Variants in AMZ1 observed in about 807,000 individuals in gnomAD.
AMZ1 encodes the protein archaemetzincin-1.
A neutral mutation model predicts 29.9 loss-of-function variants in AMZ1; 39 were observed. The observed-to-expected ratio is 1.30, with a 90% confidence interval of 1.01 to 1.70. The LOEUF is 1.70. Among genes scored for constraint, AMZ1 ranks in the 40% most tolerant of loss-of-function variants. The pLI is 0.00. For synonymous variants in AMZ1, 458 were observed against 304.0 expected (o/e 1.51, Z -5.27); for missense variants, 1,041 against 680.6 (o/e 1.53, Z -5.89).
Position 2,700,560 on chromosome 7 carries a change from T to TC in AMZ1, c.113dup (p.Ala39CysfsTer113). The TC allele has an allele frequency of 6.2e-7, 1 of 1,609,542 alleles. No homozygotes were observed. Among genetic ancestry groups the TC allele is most frequent in the Admixed American group, 1.7e-5 (1 of 59,998 alleles). On this transcript the variant is annotated frameshift_variant, in exon 2 of 7. Coordinates refer to ENST00000683327, the MANE Select transcript of AMZ1 (RefSeq NM_001384743.1). LOFTEE classifies it high-confidence loss of function. The stretch of plus-strand genomic sequence containing the variant: ...GCAGCAGCTGTATGTGTCCGCCTTC[T>TC]CCCCTGCCGAGCGGCTCTTCCTGGC...
At chr7:2,748,380 G>A (rs1475173532) in intron 4 of AMZ1, among the ~76,000 whole-genome samples, 1 of 152,160 alleles carries the variant, frequency 6.6e-6, no homozygotes, top group Non-Finnish European at 1.5e-5. Flanking sequence ...TCTGATCTTT[G>A]ACAAACCTGA....
chr7:2,730,985 T>G (rs1012726968), intron 4 of AMZ1: 5 of 534,260 alleles, frequency 9.4e-6, no homozygotes, highest in African/African-American at 7.5e-5. Context: ...CAGGATTCAG[T>G]AGCTAACGTG....
In AMZ1 at chr7:2,696,845, T is replaced by C. The variant is rs532240361; in HGVS notation, c.-218-3389T>C. ...AGGTTGCAGTGAGCAAAGATCGTGC[T>C]ACTGCACTCCAGCCTGGGGTAGAGG... On this transcript the variant is annotated intron_variant, in intron 1 of 6. Coordinates refer to ENST00000683327, the MANE Select transcript of AMZ1 (RefSeq NM_001384743.1). 1.3e-4 allele frequency among the ~76,000 whole-genome samples: 20 copies of C among 152,198 alleles called. No individual in the cohort carries two copies. In the East Asian group the frequency reaches 3.9e-3, roughly 30 times the overall value.
rs1788921253 is a variant in AMZ1, at chr7:2,713,329, G to A, written c.*451G>A. On this transcript the variant is annotated 3_prime_UTR_variant, in exon 7 of 7. Coordinates refer to ENST00000683327, the MANE Select transcript of AMZ1 (RefSeq NM_001384743.1). The stretch of plus-strand genomic sequence containing the variant: ...CTGAGTCCCAGCCAGCCGCTCCCAG[G>A]GGCCTGCACACATGGAGAGGCCTCC... 6.5e-6 allele frequency: 1 copy of A among 153,034 alleles called. No homozygotes were observed. Among genetic ancestry groups the A allele is most frequent in the Non-Finnish European group, 1.5e-5 (1 of 68,612 alleles). The allele number at this position is 153,034 out of a possible 1,614,324, so 9.5% of individuals were successfully genotyped here.
At chr7:2,695,383 G>T (rs1290535225) in intron 1 of AMZ1, among the ~76,000 whole-genome samples, 1 of 152,104 alleles carries the variant, frequency 6.6e-6, no homozygotes, top group African/African-American at 2.4e-5. Flanking sequence ...GCAAGGTGGG[G>T]CCCTGCTTCC....
rs746068489 is a variant in AMZ1, at chr7:2,709,742, C to A, written c.874C>A (p.Pro292Thr). The change falls in exon 6 of 7, where the codon CCC (proline) becomes ACC (threonine). Residue 292 changes from proline (P) to threonine (T), a missense_variant. Coordinates refer to ENST00000683327, the MANE Select transcript of AMZ1 (RefSeq NM_001384743.1). ...ALSLDEALRR[P>T]LDLCPICLRK... Reference sequence around the variant, plus strand: ...CAGCCTGGACGAGGCCCTGCGGCGGCCCCTGGACCTCTGTCCCATCTGCCT... The same window carrying A: ...CAGCCTGGACGAGGCCCTGCGGCGGACCCTGGACCTCTGTCCCATCTGCCT... The A allele has an allele frequency of 2.5e-6, 4 of 1,611,360 alleles. No homozygotes were observed. The Admixed American group carries it at 6.7e-5, about 27-fold the overall frequency.
At chr7:2,690,026 C>T (rs748145206) in intron 1 of AMZ1, among the ~76,000 whole-genome samples, 6 of 152,112 alleles carry the variant, frequency 3.9e-5, no homozygotes, top group Non-Finnish European at 7.3e-5. Flanking sequence ...CCCACGAAGA[C>T]GAATGTGGCC....
chr7:2,695,438 C>T (rs1787653616), intron 1 of AMZ1, among the ~76,000 whole-genome samples: 1 of 152,082 alleles, frequency 6.6e-6, no homozygotes, highest in Non-Finnish European at 1.5e-5. Context: ...CATGTTCAGG[C>T]CCATGTGGTG....
chr7:2,709,369 G>A, intron 5 of AMZ1, 125 bp downstream of exon 5: 2 of 1,146,054 alleles, frequency 1.7e-6, no homozygotes, highest in Non-Finnish European at 2.4e-6. Context: ...TCTATGGAAT[G>A]AGGAAAGCAA....
At chr7:2,695,514 C>T (rs916799624) in intron 1 of AMZ1, among the ~76,000 whole-genome samples, 1 of 151,432 alleles carries the variant, frequency 6.6e-6, no homozygotes, top group Non-Finnish European at 1.5e-5. Flanking sequence ...CCTCGGAGTT[C>T]AAGACCAGCC....
intron 1 of AMZ1, among the ~76,000 whole-genome samples, chr7:2,691,049 G>A (rs976489568): frequency 7.6e-5 from 11 of 144,808 alleles, no homozygotes; most frequent in African/African-American, 2.9e-4. Flanking sequence ...GCTGAGGCAT[G>A]AGAATCGCTT....
At chr7:2,708,443 C>G in intron 3 of AMZ1, 145 bp from the exon 4 acceptor site, 1 of 1,258,664 alleles carries the variant, frequency 7.9e-7, no homozygotes, top group South Asian at 1.5e-5. Flanking sequence ...GCCCTCAGGT[C>G]ACACCAAACG....
upstream of AMZ1, among the ~76,000 whole-genome samples, chr7:2,760,006 G>A (rs1791482058): frequency 6.6e-6 from 1 of 152,186 alleles, no homozygotes; most frequent in Non-Finnish European, 1.5e-5. Context: ...AAAAATGACA[G>A]GAACACTCAG....
At chr7:2,721,993 G>C (rs902552319), downstream of AMZ1, among the ~76,000 whole-genome samples, 1 of 152,214 alleles carries the variant, frequency 6.6e-6, no homozygotes, top group African/African-American at 2.4e-5. Context: ...GGTGGTGCTG[G>C]CGCTGTAGCG....
chr7:2,688,728 C>T (rs1055656968), intron 1 of AMZ1, among the ~76,000 whole-genome samples: 1 of 152,178 alleles, frequency 6.6e-6, no homozygotes, highest in African/African-American at 2.4e-5. Context: ...CTCCAGGGCG[C>T]CGAGAATCTC....
Position 2,700,586 on chromosome 7 carries a change from C to G in AMZ1, c.135C>G (p.Ala45=), listed in dbSNP as rs770644151. The change falls in exon 2 of 7, where the codon GCC becomes GCG. Residue 45 remains alanine (A), a synonymous_variant. Coordinates refer to ENST00000683327, the MANE Select transcript of AMZ1 (RefSeq NM_001384743.1). ...AFSPAERLFL[A]EAYNPQRTLF... ...CCCCTGCCGAGCGGCTCTTCCTGGC[C>G]GAGGCCTACAACCCGCAGAGGACGC... is the stretch of plus-strand genomic sequence containing the variant. 6 of 1,610,422 alleles carry G rather than the reference C, an allele frequency of 3.7e-6. No homozygotes were observed. Among genetic ancestry groups the G allele is most frequent in the Non-Finnish European group, 3.4e-6 (4 of 1,179,968 alleles).
chr7:2,692,292 A>G (rs566940367), intron 1 of AMZ1, among the ~76,000 whole-genome samples: 6 of 151,878 alleles, frequency 4.0e-5, no homozygotes, highest in Admixed American at 1.3e-4. Flanking sequence ...TGTAATCCCA[A>G]CACTCTGGGA....
At chr7:2,702,598 C>G (rs186729062) in intron 2 of AMZ1, 124 bp from the exon 3 acceptor site, 1 of 1,104,746 alleles carries the variant, frequency 9.1e-7, no homozygotes, top group East Asian at 2.7e-5. Context: ...GCTCTGCTTG[C>G]TGTCAGGGTA....
intron 3 of AMZ1, among the ~76,000 whole-genome samples, chr7:2,707,812 C>T (rs1020323852): frequency 7.9e-5 from 11 of 140,054 alleles, no homozygotes; most frequent in South Asian, 2.3e-4. Flanking sequence ...CTGCCTCTAA[C>T]GAGGGCTTTT....
Sources: gnomAD v4.1 joint callset for allele counts (sites outside exome capture counted in the v4.1 genomes callset) on GRCh38, gnomAD v4.1.1 for gene constraint, MANE v1.5 for transcripts, NCBI Gene and HGNC (gene_info 2026-07-23, HGNC 2026-07-21) for gene names.